Variants in PTPRG observed in about 807,000 individuals in gnomAD.
PTPRG encodes the protein receptor-type tyrosine-protein phosphatase gamma.
Under a neutral mutation model 165.3 loss-of-function variants are expected in PTPRG, and 102 were observed. That is an observed-to-expected ratio of 0.62 (90% CI 0.53 to 0.73). The LOEUF is 0.73. PTPRG is among the 30% of genes least tolerant of loss of function. PTPRG has a pLI of 0.00. For synonymous variants in PTPRG, 675 were observed against 669.5 expected (o/e 1.01, Z -0.13); for missense variants, 1,866 against 1,861.4 (o/e 1.00, Z -0.05).
intron 2 of PTPRG, among the ~76,000 whole-genome samples, chr3:61,820,074 A>G (rs916248067): frequency 1.3e-5 from 2 of 152,154 alleles, no homozygotes; most frequent in African/African-American, 2.4e-5. Context: ...ATGTTGAATC[A>G]CTCATTTGAA....
intron 2 of PTPRG, among the ~76,000 whole-genome samples, chr3:61,873,774 G>A (rs907870926): frequency 5.9e-5 from 9 of 152,274 alleles, no homozygotes; most frequent in African/African-American, 2.2e-4. Flanking sequence ...ATTAAGTTCA[G>A]TTGACGCAGT....
intron 12 of PTPRG, among the ~76,000 whole-genome samples, chr3:62,207,707 A>C (rs528761743): frequency 2.0e-5 from 3 of 152,306 alleles, no homozygotes; most frequent in Admixed American, 2.0e-4. Flanking sequence ...TTGGTGTTTC[A>C]TAACATATTT....
chr3:61,748,946 C>T lies in PTPRG; in HGVS notation c.154C>T (p.Arg52Cys), dbSNP rs750318678. ...CGGCAGCGCAGTGCAGATCCGCAGGCGCAAGGCTTCAGGCGACCCGTACTG... is the reference window on the plus strand; with the variant it reads ...CGGCAGCGCAGTGCAGATCCGCAGGTGCAAGGCTTCAGGCGACCCGTACTG... ...RHGSAVQIRR[R>C]KASGDPYWAY... Residue 52 changes from arginine (R) to cysteine (C), a missense_variant, in exon 2 of 30, where the codon CGC (arginine) becomes TGC (cysteine). This residue lies in a region of PTPRG where 408 missense variants were observed against 376.2 expected (regional missense o/e 1.08). Transcript: ENST00000474889. 29 of 1,611,522 alleles carry T rather than the reference C, an allele frequency of 1.8e-5. No individual in the cohort carries two copies. Among genetic ancestry groups the T allele is most frequent in the Middle Eastern group, 1.7e-4 (1 of 6,050 alleles).
intron 2 of PTPRG, among the ~76,000 whole-genome samples, chr3:61,851,766 G>A (rs1436865387): frequency 1.3e-5 from 2 of 152,146 alleles, no homozygotes; most frequent in African/African-American, 4.8e-5. Flanking sequence ...GACATATTCT[G>A]ATTGAGGTTC....
At chr3:61,566,917 G>A (rs1487061566) in intron 1 of PTPRG, among the ~76,000 whole-genome samples, 2 of 152,192 alleles carry the variant, frequency 1.3e-5, no homozygotes, top group Non-Finnish European at 2.9e-5. Flanking sequence ...TGCAATATGC[G>A]TACATTCTGA....
At chr3:61,800,474 C>A (rs75442369) in intron 2 of PTPRG, among the ~76,000 whole-genome samples, 2,637 of 152,068 alleles carry the variant, frequency 0.017, 65 homozygotes, top group African/African-American at 0.06. Context: ...GAGATTGTTG[C>A]TAGTTCTTGA....
At chr3:62,287,596 TATGTCTAAAAAG>T (rs1363688517) in intron 28 of PTPRG, among the ~76,000 whole-genome samples, 8 of 152,110 alleles carry the variant, frequency 5.3e-5, no homozygotes, top group African/African-American at 1.9e-4. Flanking sequence ...AGTTCTAACA[TATGTCTAAAAAG>T]TTATCCATGG....
chr3:61,615,983 G>A (rs1204476610), intron 1 of PTPRG, among the ~76,000 whole-genome samples: 4 of 152,208 alleles, frequency 2.6e-5, no homozygotes, highest in South Asian at 4.1e-4. Flanking sequence ...ATGGAGTCTC[G>A]CTCTGTTCCC....
At chr3:62,274,165 G>C (rs1157824206) in intron 23 of PTPRG, among the ~76,000 whole-genome samples, 1 of 151,986 alleles carries the variant, frequency 6.6e-6, no homozygotes, top group African/African-American at 2.4e-5. Flanking sequence ...TATTTTTTCT[G>C]AACTAATCTA....
At chr3:62,027,632 G>T in intron 4 of PTPRG, among the ~76,000 whole-genome samples, 1 of 152,160 alleles carries the variant, frequency 6.6e-6, no homozygotes, top group East Asian at 1.9e-4. Flanking sequence ...TTTAAGCCAA[G>T]CAGCTGACAG....
At chr3:62,181,668 C>T (rs1705656013) in intron 8 of PTPRG, among the ~76,000 whole-genome samples, 1 of 152,176 alleles carries the variant, frequency 6.6e-6, no homozygotes, top group East Asian at 1.9e-4. Flanking sequence ...AGCTTATCTT[C>T]TCATATTGAT....
intron 7 of PTPRG, among the ~76,000 whole-genome samples, chr3:62,164,809 T>A (rs926405852): frequency 6.6e-6 from 1 of 152,246 alleles, no homozygotes; most frequent in East Asian, 1.9e-4. Flanking sequence ...TTAGGAGAAT[T>A]TAATGCTGGC....
chr3:61,842,710 G>GA (rs2036677720), intron 2 of PTPRG, among the ~76,000 whole-genome samples: 1 of 135,756 alleles, frequency 7.4e-6, no homozygotes, highest in African/African-American at 2.7e-5. Context: ...AAAAGAAAAA[G>GA]AAAAAGCCAA....
At chr3:62,124,401 C>A in intron 5 of PTPRG, 1 of 1,613,888 alleles carries the variant, frequency 6.2e-7, no homozygotes. Flanking sequence ...AAGATGTAGT[C>A]GATGACGTGC....
intron 2 of PTPRG, among the ~76,000 whole-genome samples, chr3:61,809,839 T>G (rs924298169): frequency 9.2e-5 from 14 of 152,180 alleles, no homozygotes; most frequent in Non-Finnish European, 1.8e-4. Context: ...TTTGAGCGGG[T>G]GCACAGCTAT....
intron 1 of PTPRG, among the ~76,000 whole-genome samples, chr3:61,606,007 A>C (rs1700995451): frequency 6.6e-6 from 1 of 152,170 alleles, no homozygotes; most frequent in Non-Finnish European, 1.5e-5. Flanking sequence ...GGCACCCCTC[A>C]CCCCATGTGG....
intron 4 of PTPRG, among the ~76,000 whole-genome samples, chr3:62,014,571 A>G (rs1222811910): frequency 2.6e-5 from 4 of 152,146 alleles, no homozygotes; most frequent in Non-Finnish European, 5.9e-5. Context: ...GTTCATTTCT[A>G]AAATTCAGTA....
rs527413416 is a variant in PTPRG at position 61,873,363 on chromosome 3, C to T, written c.191-116262C>T. On this transcript the variant is annotated intron_variant, in intron 2 of 29. Transcript: ENST00000474889. ...GTGTGGATACATTTTTAGCTTTACTCATAAGATGTCATATCTTAAAACATC... is the reference window on the plus strand; with the variant it reads ...GTGTGGATACATTTTTAGCTTTACTTATAAGATGTCATATCTTAAAACATC... 3.9e-5 allele frequency among the ~76,000 whole-genome samples: 6 copies of T among 152,144 alleles called. No homozygotes were observed. The East Asian group carries it at 5.8e-4, about 15-fold the overall frequency.
chr3:62,021,066 C>T (rs2041677741), intron 4 of PTPRG, among the ~76,000 whole-genome samples: 1 of 152,154 alleles, frequency 6.6e-6, no homozygotes, highest in South Asian at 2.1e-4. Context: ...GAGTACGACT[C>T]TGGTCATCTG....
Sources: allele counts gnomAD v4.1 joint callset (sites outside exome capture counted in the v4.1 genomes callset), GRCh38; gene constraint gnomAD v4.1.1; regional missense constraint gnomAD v4.1.1; transcripts MANE v1.5; gene names NCBI Gene and HGNC (gene_info 2026-07-23, HGNC 2026-07-21).